The following NCOR2 variants were observed in gnomAD, a reference collection of about 807,000 sequenced individuals.
The protein encoded by NCOR2 is nuclear receptor corepressor 2, also known as CTG repeat protein 26.
A neutral mutation model predicts 262.9 loss-of-function variants in NCOR2; 81 were observed. That is an observed-to-expected ratio of 0.31 (90% CI 0.26 to 0.37). The LOEUF is 0.37. NCOR2 is among the 10% of genes least tolerant of loss of function. NCOR2 has a pLI of 1.00. For synonymous variants in NCOR2, 1,659 were observed against 1,559.3 expected, an observed-to-expected ratio of 1.06 and a Z score of -1.51; for missense variants, 3,385 against 3,621.4, an observed-to-expected ratio of 0.93 and a Z score of 1.68.
At chr12:124,492,192 C>T (rs2048121980) in intron 1 of NCOR2, among the ~76,000 whole-genome samples, 1 of 152,206 alleles carries the variant, frequency 6.6e-6, no homozygotes, top group South Asian at 2.1e-4. Flanking sequence ...GGGAAGAGGC[C>T]CTGCTTGGGT....
intron 1 of NCOR2, among the ~76,000 whole-genome samples, chr12:124,557,420 A>C (rs573301052): frequency 1.3e-5 from 2 of 152,320 alleles, no homozygotes; most frequent in African/African-American, 4.8e-5. Context: ...GCTTCCAGCC[A>C]CATCGCTCCA....
In NCOR2 at chr12:124,428,779, T is replaced by C. The variant is rs77958163; in HGVS notation, c.1149+834A>G. On this transcript the variant is annotated intron_variant, in intron 10 of 46. Transcript: ENST00000405201. ...TCAATAGCCATGCGTGGCTCTGCTGTGCTGAGCTAAAGGGCTATAATCTCC... is the reference window on the plus strand; with the variant it reads ...TCAATAGCCATGCGTGGCTCTGCTGCGCTGAGCTAAAGGGCTATAATCTCC... Among the ~76,000 whole-genome samples the C allele has an allele frequency of 4.5e-3, 683 of 152,344 alleles. 16 individuals carry two copies. The East Asian group carries it at 0.072, about 16-fold the overall frequency.
chr12:124,567,500 GGAGCGCAGGGCGC>G (rs2052287267), upstream of NCOR2: 1 of 147,318 alleles, frequency 6.8e-6, no homozygotes, highest in Non-Finnish European at 1.5e-5. Context: ...CGCGCATCGC[GGAGCGCAGGGCGC>G]GGGCGCAGGG....
chr12:124,391,111 T>A (rs1532944), intron 16 of NCOR2, among the ~76,000 whole-genome samples: 3 of 152,066 alleles, frequency 2.0e-5, no homozygotes, highest in Non-Finnish European at 4.4e-5. Flanking sequence ...GGGAGGCCTG[T>A]GCTGCCGCTC....
chr12:124,470,911 C>T (rs2046798628), intron 4 of NCOR2, among the ~76,000 whole-genome samples: 1 of 152,276 alleles, frequency 6.6e-6, no homozygotes, highest in Admixed American at 6.5e-5. Context: ...CTTCCAGCTG[C>T]AGTCACCAAT....
At position 124,454,709 on chromosome 12, in the gene NCOR2, ACGGCCAC is replaced by A. The variant is rs1565958090; in HGVS notation, c.762+2390_762+2396del. On this transcript the variant is annotated intron_variant, in intron 6 of 46. Transcript: ENST00000405201. The surrounding 1 kb of genome is among the most constrained non-coding windows in gnomAD (Gnocchi z 5.6). The stretch of plus-strand genomic sequence containing the variant: ...CTTACTGGTGGAGATGTAAAATGGT[ACGGCCAC>A]TTTTCGGCCACTTTGGAAAACAGTT... Among the ~76,000 whole-genome samples, 10 of 151,948 alleles carry A rather than the reference ACGGCCAC, an allele frequency of 6.6e-5. No individual in the cohort carries two copies. The highest frequency in any genetic ancestry group is 1.7e-4 in the African/African-American group (7 of 41,320).
At chr12:124,519,148 C>T (rs2137074826) in intron 1 of NCOR2, among the ~76,000 whole-genome samples, 1 of 72,694 alleles carries the variant, frequency 1.4e-5, no homozygotes, top group East Asian at 5.8e-4. Context: ...ACAATGATGG[C>T]TTGGTAGTCA....
At chr12:124,347,632 GT>G in intron 30 of NCOR2, 192 bp downstream of exon 32, 3 of 605,788 alleles carry the variant, frequency 5.0e-6, no homozygotes, top group South Asian at 2.2e-5. Flanking sequence ...TTTGCTTTTT[GT>G]TTTTGTTTTG....
chr12:124,327,108 C>T (rs907014554), intron 45 of NCOR2, among the ~76,000 whole-genome samples: 10 of 152,212 alleles, frequency 6.6e-5, no homozygotes, highest in South Asian at 2.1e-4. Context: ...GCCGGGTCCC[C>T]GCAGGGAGGA....
exon 32 of NCOR2, chr12:124,344,792 T>G (rs1358678070): frequency 1.9e-6 from 3 of 1,552,130 alleles, no homozygotes; most frequent in East Asian, 4.9e-5. Context: ...CTCTTCAGGC[T>G]CTCCTCGTAG....
intron 20 of NCOR2, among the ~76,000 whole-genome samples, chr12:124,366,522 T>G (rs1200594725): frequency 6.6e-6 from 1 of 151,786 alleles, no homozygotes; most frequent in Non-Finnish European, 1.5e-5. Context: ...ATGATACACG[T>G]TTTTTTTGAG....
At chr12:124,357,928 T>G (rs1488313656) in intron 22 of NCOR2, among the ~76,000 whole-genome samples, 2 of 146,096 alleles carry the variant, frequency 1.4e-5, no homozygotes, top group South Asian at 2.2e-4. Flanking sequence ...CGCACGTGCG[T>G]GCATGTGTGT....
chr12:124,332,455 G>A, exon 43 of NCOR2: 1 of 1,614,202 alleles, frequency 6.2e-7, no homozygotes. Context: ...CTGGAGACTT[G>A]GAGCCCATCC....
chr12:124,554,136 G>A (rs2051807704), intron 1 of NCOR2, among the ~76,000 whole-genome samples: 1 of 152,240 alleles, frequency 6.6e-6, no homozygotes, highest in African/African-American at 2.4e-5. Flanking sequence ...CCCTCCTGAT[G>A]CTTAAAGATG....
intron 5 of NCOR2, among the ~76,000 whole-genome samples, chr12:124,460,772 C>T (rs1212569530): frequency 6.6e-6 from 1 of 152,242 alleles, no homozygotes; most frequent in African/African-American, 2.4e-5. Flanking sequence ...AAATCCCAAA[C>T]CCTTCCCACC....
At chr12:124,328,158 G>A (rs533135151) in intron 44 of NCOR2, among the ~76,000 whole-genome samples, 35 of 151,476 alleles carry the variant, frequency 2.3e-4, no homozygotes, top group Non-Finnish European at 4.6e-4. Flanking sequence ...GACTGAGAGA[G>A]AGAAGGTGAC....
chr12:124,371,079 C>T (rs2039465219), intron 20 of NCOR2, among the ~76,000 whole-genome samples: 1 of 152,216 alleles, frequency 6.6e-6, no homozygotes, highest in Admixed American at 6.5e-5. Flanking sequence ...GCAAATCCCC[C>T]ACATGGTTTC....
chr12:124,327,739 G>A (rs2034810338), intron 44 of NCOR2, 106 bp from the exon 47 acceptor site: 2 of 749,830 alleles, frequency 2.7e-6, no homozygotes, highest in Non-Finnish European at 4.3e-6. Context: ...AGGAGGAGGA[G>A]GAGGAGGAGG....
Position 124,344,901 on chromosome 12 carries a change from CT to C in NCOR2, c.4409del (p.Lys1470SerfsTer23). The C allele has an allele frequency of 1.9e-6, 3 of 1,578,252 alleles. No individual in the cohort carries two copies. Among genetic ancestry groups the C allele is most frequent in the Admixed American group, 1.8e-5 (1 of 54,852 alleles). On this transcript the variant is annotated frameshift_variant, in exon 32 of 47. Transcript: ENST00000405201. LOFTEE classifies it high-confidence loss of function. ...TGCCGATGAGGGAGCGTACGTCGTG[CT>C]TTTTGGAGCCAGTGGTGGACGCGCC...
Sources: allele counts gnomAD v4.1 joint callset (sites outside exome capture counted in the v4.1 genomes callset), GRCh38; gene constraint gnomAD v4.1.1; non-coding constraint Gnocchi (gnomAD v3.1); transcripts MANE v1.5; gene names NCBI Gene and HGNC (gene_info 2026-07-23, HGNC 2026-07-21).